Variants in DCC observed in about 807,000 individuals in gnomAD.
The protein encoded by DCC is DCC netrin 1 receptor, also known as netrin receptor DCC.
Under a neutral mutation model 172.5 loss-of-function variants are expected in DCC, and 58 were observed. The observed-to-expected ratio is 0.34, with a 90% confidence interval of 0.27 to 0.42. DCC has a LOEUF of 0.42. DCC is among the 10% of genes least tolerant of loss of function. DCC has a pLI of 1.00. For synonymous variants in DCC, 709 were observed against 644.5 expected, an observed-to-expected ratio of 1.10 and a Z score of -1.52; for missense variants, 1,740 against 1,791.0, an observed-to-expected ratio of 0.97 and a Z score of 0.51.
chr18:52,931,624 T>G (rs574011800), intron 5 of DCC, among the ~76,000 whole-genome samples: 6 of 152,150 alleles, frequency 3.9e-5, no homozygotes, highest in Non-Finnish European at 7.4e-5. Context: ...TTTTGTTTCC[T>G]TCTTATAAAA....
At chr18:52,393,442 G>T (rs1288737849) in intron 1 of DCC, among the ~76,000 whole-genome samples, 13 of 152,160 alleles carry the variant, frequency 8.5e-5, no homozygotes, top group Middle Eastern at 3.4e-3. Flanking sequence ...CTCTGAGGGT[G>T]AGACCTAGCA....
chr18:53,485,703 AATCTTTT>A (rs1005940145), intron 25 of DCC, among the ~76,000 whole-genome samples: 3 of 152,102 alleles, frequency 2.0e-5, no homozygotes, highest in African/African-American at 2.4e-5. Context: ...GCCCTTTTAA[AATCTTTT>A]ATCTTTTATA....
rs570273810 is a variant in DCC at position 52,680,697 on chromosome 18, T to G, written c.92-71357T>G. On this transcript the variant is annotated intron_variant, in intron 1 of 28. Coordinates refer to ENST00000442544, the MANE Select transcript of DCC (RefSeq NM_005215.4). Reference sequence around the variant, plus strand: ...AGTAAATGTTGAATGAATGAGTGAGTAGACTTGCAAATCATGTCATTTAGG... The same window carrying G: ...AGTAAATGTTGAATGAATGAGTGAGGAGACTTGCAAATCATGTCATTTAGG... Among the ~76,000 whole-genome samples the G allele has an allele frequency of 2.0e-5, 3 of 152,152 alleles. No homozygotes were observed. The South Asian group carries it at 6.2e-4, about 32-fold the overall frequency.
At chr18:52,561,245 T>C (rs1344424392) in intron 1 of DCC, among the ~76,000 whole-genome samples, 3 of 151,976 alleles carry the variant, frequency 2.0e-5, no homozygotes, top group Non-Finnish European at 4.4e-5. Flanking sequence ...TTTAGAAACA[T>C]TGAATCTGTA....
chr18:53,417,450 G>A (rs1000248033), intron 21 of DCC, among the ~76,000 whole-genome samples: 12 of 116,902 alleles, frequency 1.0e-4, no homozygotes, highest in Non-Finnish European at 2.0e-4. Context: ...AATGAGATTT[G>A]TAAAAAATAT....
chr18:52,796,941 C>G (rs896868962), intron 2 of DCC, among the ~76,000 whole-genome samples: 9 of 151,698 alleles, frequency 5.9e-5, no homozygotes, highest in African/African-American at 2.2e-4. Context: ...TGGGAAATTC[C>G]AGAATTCATT....
rs1055659531 is a variant in DCC, at chr18:52,445,324, A to G, written c.91+104446A>G. 4.6e-5 allele frequency among the ~76,000 whole-genome samples: 7 copies of G among 152,184 alleles called. No individual in the cohort carries two copies. The East Asian group carries it at 1.3e-3, about 29-fold the overall frequency. ...TCTGATTTAAAATGTAGGTTTTGGA[A>G]CAGCAGGCGTATTACCAATGATATT... On this transcript the variant is annotated intron_variant, in intron 1 of 28. Transcript: ENST00000442544.
At chr18:53,045,753 C>A (rs2042229746) in intron 5 of DCC, among the ~76,000 whole-genome samples, 1 of 151,824 alleles carries the variant, frequency 6.6e-6, no homozygotes, top group African/African-American at 2.4e-5. Flanking sequence ...TTAATACATT[C>A]CATTTTAAAG....
At chr18:53,452,872 T>G (rs190032992) in intron 23 of DCC, among the ~76,000 whole-genome samples, 12 of 151,836 alleles carry the variant, frequency 7.9e-5, no homozygotes, top group Admixed American at 7.9e-4. Flanking sequence ...AAGTTATTTC[T>G]GAACTATAGT....
chr18:52,896,601 CTAT>C (rs1352503674), intron 2 of DCC, among the ~76,000 whole-genome samples: 1 of 152,112 alleles, frequency 6.6e-6, no homozygotes, highest in African/African-American at 2.4e-5. Context: ...GGTGGTAAAA[CTAT>C]TATTTAACCT....
intron 2 of DCC, among the ~76,000 whole-genome samples, chr18:52,831,842 G>T (rs2038619851): frequency 6.6e-6 from 1 of 152,044 alleles, no homozygotes; most frequent in African/African-American, 2.4e-5. Flanking sequence ...TAATGTGTTA[G>T]GATTATGGTT....
chr18:53,218,170 A>G (rs1044072065), intron 12 of DCC, among the ~76,000 whole-genome samples: 12 of 152,044 alleles, frequency 7.9e-5, no homozygotes, highest in African/African-American at 2.9e-4. Context: ...TACGTAATTT[A>G]TTTTACTTGG....
intron 12 of DCC, among the ~76,000 whole-genome samples, chr18:53,304,479 G>C (rs1229916031): frequency 6.6e-6 from 1 of 152,124 alleles, no homozygotes; most frequent in Non-Finnish European, 1.5e-5. Flanking sequence ...GAAGGAAGAA[G>C]ACATGGGTAG....
chr18:53,091,377 A>T (rs1046280365), intron 7 of DCC, among the ~76,000 whole-genome samples: 1 of 147,556 alleles, frequency 6.8e-6, no homozygotes, highest in Non-Finnish European at 1.5e-5. Flanking sequence ...ATATATAAAT[A>T]TATATGTAAA....
At chr18:52,753,295 G>C (rs4574019) in intron 2 of DCC, among the ~76,000 whole-genome samples, 149,855 of 152,288 alleles carry the variant, frequency 0.98, 73,781 homozygotes, top group East Asian at 1. Flanking sequence ...TGTTTATTCT[G>C]TCATGGATTT....
At position 52,952,500 on chromosome 18, in the gene DCC, G is replaced by A. The variant is rs186847170; in HGVS notation, c.985+27130G>A. On this transcript the variant is annotated intron_variant, in intron 5 of 28. Transcript: ENST00000442544. The stretch of plus-strand genomic sequence containing the variant: ...CTGTTGTGATGATTACATAAAATAG[G>A]GTATATAAAAGTGATGAGGAAGTTA... Among the ~76,000 whole-genome samples the A allele has an allele frequency of 1.5e-3, 225 of 152,034 alleles. 1 individual carries two copies. Among genetic ancestry groups the A allele is most frequent in the African/African-American group, 5.1e-3 (213 of 41,464 alleles).
intron 12 of DCC, among the ~76,000 whole-genome samples, chr18:53,235,744 C>A (rs1482780982): frequency 1.3e-5 from 2 of 152,092 alleles, no homozygotes; most frequent in African/African-American, 2.4e-5. Flanking sequence ...TCATCTCAAA[C>A]AGAAACTCTA....
At chr18:53,460,484 A>G (rs1349634108) in intron 24 of DCC, among the ~76,000 whole-genome samples, 1 of 119,628 alleles carries the variant, frequency 8.4e-6, no homozygotes, top group Non-Finnish European at 1.6e-5. Context: ...TCCTGTGTCC[A>G]TGTGTTCTCA....
At chr18:53,035,714 A>G (rs1354672344) in intron 5 of DCC, among the ~76,000 whole-genome samples, 2 of 152,082 alleles carry the variant, frequency 1.3e-5, no homozygotes, top group Non-Finnish European at 2.9e-5. Context: ...ATGATCATGT[A>G]ACGGGGTAGT....
Sources: gnomAD v4.1 joint callset for allele counts (sites outside exome capture counted in the v4.1 genomes callset) on GRCh38, gnomAD v4.1.1 for gene constraint, MANE v1.5 for transcripts, NCBI Gene and HGNC (gene_info 2026-07-23, HGNC 2026-07-21) for gene names.